The following VARS2 variants were observed in gnomAD, a reference collection of about 807,000 sequenced individuals.
VARS2 encodes valine--tRNA ligase, mitochondrial.
A neutral mutation model predicts 154.1 loss-of-function variants in VARS2; 105 were observed. That is an observed-to-expected ratio of 0.68 (90% CI 0.58 to 0.80). The LOEUF is 0.80. Ranked by LOEUF, VARS2 falls within the 30% of genes least tolerant of loss-of-function variation. VARS2 has a pLI of 0.00. For synonymous variants in VARS2, 483 were observed against 539.5 expected (o/e 0.90, Z 1.45); for missense variants, 1,157 against 1,361.4 (o/e 0.85, Z 2.36).
Position 30,916,820 on chromosome 6 carries a change from C to A in VARS2, c.672-58C>A. ...TGGCATTGCTGGGGGCATCGCTGGG[C>A]CTGGTACATAGGAAGTGCTTGGGAA... On this transcript the variant is annotated intron_variant, in intron 7 of 29. Transcript: ENST00000676266. This position sits in a 1 kb window ranked among gnomAD's most constrained non-coding sequence, Gnocchi z 4.0. 2 of 1,576,852 alleles carry A rather than the reference C, an allele frequency of 1.3e-6. No homozygotes were observed. Among genetic ancestry groups the A allele is most frequent in the Non-Finnish European group, 1.7e-6 (2 of 1,146,340 alleles).
In VARS2 at chr6:30,920,835, C is replaced by A; in HGVS notation, c.1479+86C>A. On this transcript the variant is annotated intron_variant, in intron 15 of 29. Transcript: ENST00000676266. This position sits in a 1 kb window ranked among gnomAD's most constrained non-coding sequence, Gnocchi z 4.6. ...AATGAAGAAATGGGAAGCAGGAGACCTCCTGCCCTGAAGACCTCTCCAGCT... is the reference window on the plus strand; with the variant it reads ...AATGAAGAAATGGGAAGCAGGAGACATCCTGCCCTGAAGACCTCTCCAGCT... 7.8e-7 allele frequency: 1 copy of A among 1,279,646 alleles called. No homozygotes were observed. The highest frequency in any genetic ancestry group is 1.1e-6 in the Non-Finnish European group (1 of 938,228). The allele number at this position is 1,279,646 out of a possible 1,614,324, so 79.3% of individuals were successfully genotyped here. A position where few individuals can be genotyped will look rare whatever the true frequency, so the allele number is the denominator to read the frequency against.
chr6:30,922,689 C>A lies in VARS2; in HGVS notation c.2038-17C>A. 6.2e-7 allele frequency: 1 copy of A among 1,609,688 alleles called. No individual in the cohort carries two copies. The highest frequency in any genetic ancestry group is 8.5e-7 in the Non-Finnish European group (1 of 1,178,244). On this transcript the variant is annotated splice_polypyrimidine_tract_variant and intron_variant, in intron 21 of 29. Coordinates refer to ENST00000676266, the MANE Select transcript of VARS2 (RefSeq NM_020442.6). ...GGCCTTCGACCTGGGTCGTGAATTG[C>A]CCCCTTCCATCCCCAGGTGCTGCAG...
In VARS2 at chr6:30,921,689, G is replaced by A; in HGVS notation, c.1733G>A (p.Arg578Lys). ...CCAGGGGCAGAGCTGACCCTGGAGA[G>A]GGGTGAGTGCCTGAGCTGGGGAGGG... Reference protein sequence around the residue: ...GRPGAELTLERDPDVLDTWFS... With the variant: ...GRPGAELTLEKDPDVLDTWFS... Residue 578 changes from arginine (R) to lysine (K), a missense_variant and splice_region_variant, in exon 18 of 30, where the codon AGG (arginine) becomes AAG (lysine). Transcript: ENST00000676266. The surrounding 1 kb of genome is among the most constrained non-coding windows in gnomAD (Gnocchi z 4.6). 1.9e-6 allele frequency: 3 copies of A among 1,602,210 alleles called. No individual in the cohort carries two copies. The highest frequency in any genetic ancestry group is 1.3e-5 in the African/African-American group (1 of 74,962).
chr6:30,919,509 G>A lies in VARS2; in HGVS notation c.1075-249G>A, dbSNP rs1048393824. On this transcript the variant is annotated intron_variant, in intron 11 of 29. Transcript: ENST00000676266. This position sits in a 1 kb window ranked among gnomAD's most constrained non-coding sequence, Gnocchi z 4.5. ...TGCTTGCAGCCTTTATATTATCTAT[G>A]GCTGCTATTATATACCCTCTCCAGC... is the stretch of plus-strand genomic sequence containing the variant. 8.0e-6 allele frequency: 3 copies of A among 375,528 alleles called. No individual in the cohort carries two copies. The highest frequency in any genetic ancestry group is 4.2e-5 in the Admixed American group (1 of 23,824). 23.3% of individuals were successfully genotyped at this position (375,528 alleles called of 1,614,324 possible).
chr6:30,924,601 G>T (rs142181268), intron 26 of VARS2, 41 bp downstream of exon 26: 5 of 1,065,954 alleles, frequency 4.7e-6, no homozygotes, highest in East Asian at 2.4e-5. Flanking sequence ...TGGGTGAATG[G>T]GGGGGAGCAC....
Position 30,914,829 on chromosome 6 carries a change from C to A in VARS2, c.-8C>A. 6.2e-7 allele frequency: 1 copy of A among 1,613,060 alleles called. No homozygotes were observed. The highest frequency in any genetic ancestry group is 8.5e-7 in the Non-Finnish European group (1 of 1,180,020). On this transcript the variant is annotated 5_prime_UTR_variant, in exon 2 of 30. Transcript: ENST00000676266. ...GAACAGATCTCGGCCCCTTTCCAAA[C>A]ACTCCTGATGCCTCATTTGCCTCTC...
chr6:30,914,768 C>A, intron 1 of VARS2, 42 bp from the exon 2 acceptor site: 1 of 1,554,494 alleles, frequency 6.4e-7, no homozygotes, highest in South Asian at 1.1e-5. Context: ...TGACCCTTCT[C>A]CACCCCCATA....
chr6:30,920,385 G>A lies in VARS2; in HGVS notation c.1346G>A (p.Trp449Ter), dbSNP rs535246705. ...REKIMSVLSE[W>*]GLFRGLQNHP... ...AAGATAATGTCTGTGCTGAGTGAAT[G>A]GGGCCTGTTCCGGGGCCTCCAGAAC... Residue 449 changes from tryptophan (W) to a stop codon, truncating the protein, a stop_gained, in exon 14 of 30, where the codon TGG becomes TAG. Coordinates refer to ENST00000676266, the MANE Select transcript of VARS2 (RefSeq NM_020442.6). LOFTEE classifies it high-confidence loss of function. This position sits in a 1 kb window ranked among gnomAD's most constrained non-coding sequence, Gnocchi z 4.6. 118 of 1,612,504 alleles carry A rather than the reference G, an allele frequency of 7.3e-5. No homozygotes were observed. The South Asian group carries it at 1.2e-3, about 17-fold the overall frequency.
rs1320729770 is a variant in VARS2, at chr6:30,922,785, G to A, written c.2106+11G>A. ...GTGGCTGCAGCACAGGTGAGTCATC[G>A]CTGCCTGCCCCCCACCAGCTCTAGC... On this transcript the variant is annotated intron_variant, in intron 22 of 29. Coordinates refer to ENST00000676266, the MANE Select transcript of VARS2 (RefSeq NM_020442.6). The A allele has an allele frequency of 6.2e-6, 10 of 1,603,642 alleles. No individual in the cohort carries two copies. The highest frequency in any genetic ancestry group is 1.7e-5 in the Admixed American group (1 of 59,398).
In VARS2 at chr6:30,920,003, C is replaced by CTGGGGCGGGGCAGGTGA; in HGVS notation, c.1166-78_1166-77insGGCAGGTGATGGGGCGG. On this transcript the variant is annotated intron_variant, in intron 12 of 29. Transcript: ENST00000676266. This position sits in a 1 kb window ranked among gnomAD's most constrained non-coding sequence, Gnocchi z 4.6. ...GCACAGACAGAGAAAGTCGCAGGGGCTGGGGCGGTGCAGGTGATGATGATA... is the reference window on the plus strand; with the variant it reads ...GCACAGACAGAGAAAGTCGCAGGGGCTGGGGCGGGGCAGGTGATGGGGCGGTGCAGGTGATGATGATA... The CTGGGGCGGGGCAGGTGA allele has an allele frequency of 6.9e-7, 1 of 1,455,658 alleles. No individual in the cohort carries two copies. The allele number at this position is 1,455,658 out of a possible 1,614,324, so 90.2% of individuals were successfully genotyped here.
chr6:30,919,963 G>T lies in VARS2; in HGVS notation c.1165+115G>T. On this transcript the variant is annotated intron_variant, in intron 12 of 29. Transcript: ENST00000676266. This position sits in a 1 kb window ranked among gnomAD's most constrained non-coding sequence, Gnocchi z 4.5. ...ATCCTCATATAGGGTGGTCTGAGTG[G>T]GGAATGGGAGGGAGGCACAGACAGA... The T allele has an allele frequency of 6.8e-7, 1 of 1,467,880 alleles. No homozygotes were observed. The highest frequency in any genetic ancestry group is 1.4e-5 in the South Asian group (1 of 70,794). 90.9% of individuals were successfully genotyped at this position (1,467,880 alleles called of 1,614,324 possible).
chr6:30,915,223 C>G lies in VARS2; in HGVS notation c.269C>G (p.Pro90Arg). ...ELVLYEIPTK[P>R]GEKKDVSGPL... is the part of the protein sequence containing the mutation. ...GTATTGTATGAAATCCCTACGAAAC[C>G]CGGTGAAAAGAAAGGTAAGTAGAAT... The change falls in exon 3 of 30, where the codon CCC becomes CGC. Residue 90 changes from proline (P) to arginine (R), a missense_variant. Pro to Arg is a moderately radical substitution (Grantham distance 103). Transcript: ENST00000676266. 1.9e-6 allele frequency: 3 copies of G among 1,614,134 alleles called. No homozygotes were observed. Among genetic ancestry groups the G allele is most frequent in the Non-Finnish European group, 2.5e-6 (3 of 1,179,986 alleles).
Position 30,917,688 on chromosome 6 carries a change from C to T in VARS2, c.874-7C>T, listed in dbSNP as rs148624317. The T allele has an allele frequency of 1.6e-4, 246 of 1,549,960 alleles. No homozygotes were observed. In the African/African-American group the frequency reaches 2.6e-3, roughly 16 times the overall value. The stretch of plus-strand genomic sequence containing the variant: ...GCCCTCTGACCCAGCTTTCTCGGTG[C>T]CTCCAGGTGGAGAACCGGCCCCTGC... On this transcript the variant is annotated splice_polypyrimidine_tract_variant and splice_region_variant and intron_variant, in intron 9 of 29. Transcript: ENST00000676266. This position sits in a 1 kb window ranked among gnomAD's most constrained non-coding sequence, Gnocchi z 4.4.
intron 10 of VARS2, among the ~76,000 whole-genome samples, chr6:30,918,589 A>G (rs1794316550): frequency 6.6e-6 from 1 of 152,104 alleles, no homozygotes. Context: ...TCTTCCATGC[A>G]AATTATCAGG....
chr6:30,918,302 G>A (rs9262292), intron 10 of VARS2, among the ~76,000 whole-genome samples: 42,582 of 152,146 alleles, frequency 0.28, 6,839 homozygotes, highest in Middle Eastern at 0.38. Context: ...TCCTGACCTC[G>A]TGATCTGCCC....
At position 30,916,783 on chromosome 6, in the gene VARS2, T is replaced by C; in HGVS notation, c.672-95T>C. ...GATCAATGCCATCCTCACTTGATTT[T>C]CCTCCAACACCTGGCATTGCTGGGG... On this transcript the variant is annotated intron_variant, in intron 7 of 29. Coordinates refer to ENST00000676266, the MANE Select transcript of VARS2 (RefSeq NM_020442.6). This position sits in a 1 kb window ranked among gnomAD's most constrained non-coding sequence, Gnocchi z 4.0. The C allele has an allele frequency of 8.0e-7, 1 of 1,257,406 alleles. No homozygotes were observed. Among genetic ancestry groups the C allele is most frequent in the Non-Finnish European group, 1.2e-6 (1 of 858,872 alleles). The allele number at this position is 1,257,406 out of a possible 1,614,324, so 77.9% of individuals were successfully genotyped here.
Position 30,924,552 on chromosome 6 carries a change from T to C in VARS2, c.2665T>C (p.Cys889Arg). 1.3e-6 allele frequency: 2 copies of C among 1,523,942 alleles called. No individual in the cohort carries two copies. The highest frequency in any genetic ancestry group is 1.8e-6 in the Non-Finnish European group (2 of 1,129,020). The allele number at this position is 1,523,942 out of a possible 1,614,324, so 94.4% of individuals were successfully genotyped here. A position where few individuals can be genotyped will look rare whatever the true frequency, so the allele number is the denominator to read the frequency against. The change falls in exon 26 of 30, where the codon TGC (cysteine) becomes CGC (arginine). Residue 889 changes from cysteine to arginine, a missense_variant. Coordinates refer to ENST00000676266, the MANE Select transcript of VARS2 (RefSeq NM_020442.6). ...CTCGGTTGCCCCCTACCCCAGCGCC[T>C]GCAGCTTGGTGAGTCCCAAGCACCT... ...SISVAPYPSA[C>R]SLEHWRQPEL... is the part of the protein sequence containing the mutation.
In VARS2 at chr6:30,924,638, C is replaced by T. The variant is rs975261049; in HGVS notation, c.2673+78C>T. ...TTCTGAAGGGGTTTGCTGCAGGGGG[C>T]TCATCTGCAGGAATGGTTCGTACTT... On this transcript the variant is annotated intron_variant, in intron 26 of 29. Coordinates refer to ENST00000676266, the MANE Select transcript of VARS2 (RefSeq NM_020442.6). 5.3e-6 allele frequency: 4 copies of T among 755,068 alleles called. No homozygotes were observed. In the African/African-American group the frequency reaches 7.0e-5, roughly 13 times the overall value. 46.8% of individuals were successfully genotyped at this position (755,068 alleles called of 1,614,324 possible).
At position 30,925,547 on chromosome 6, in the gene VARS2, T is replaced by C. The variant is rs564286769; in HGVS notation, c.2789T>C (p.Leu930Pro). The change falls in exon 28 of 30, where the codon CTG (leucine) becomes CCG (proline). Residue 930 changes from leucine to proline, a missense_variant. Transcript: ENST00000676266. ...YQLTKARPRV[L>P]LQSSEPGDQG... The stretch of plus-strand genomic sequence containing the variant: ...CTGACAGTTTCTTTCTTTCCAGTGC[T>C]GCTGCAGAGCTCAGAGCCTGGGGAC... The C allele has an allele frequency of 1.6e-5, 25 of 1,585,064 alleles. No individual in the cohort carries two copies. Among genetic ancestry groups the C allele is most frequent in the Non-Finnish European group, 2.1e-5 (25 of 1,169,086 alleles).
Sources: allele counts gnomAD v4.1 joint callset (sites outside exome capture counted in the v4.1 genomes callset), GRCh38; gene constraint gnomAD v4.1.1; non-coding constraint Gnocchi (gnomAD v3.1); transcripts MANE v1.5; gene names NCBI Gene and HGNC (gene_info 2026-07-23, HGNC 2026-07-21).